CELF4: variants seen among roughly 807,000 people sequenced by gnomAD.
CELF4 encodes CUGBP Elav-like family member 4, also known as CUG-BP- and ETR-3-like factor 4.
CELF4 carries 18 observed loss-of-function variants against 59.9 expected under a neutral mutation model. That is an observed-to-expected ratio of 0.30 (90% CI 0.21 to 0.45). The LOEUF (loss-of-function observed/expected upper bound fraction) is 0.45. CELF4 is among the 20% of genes least tolerant of loss of function. The pLI, the probability that CELF4 is intolerant of heterozygous loss-of-function variation, is 1.00. For synonymous variants in CELF4, 261 were observed against 267.1 expected (o/e 0.98, Z 0.22); for missense variants, 456 against 689.0 (o/e 0.66, Z 3.79).
chr18:37,279,045 C>T (rs1418588923), intron 3 of CELF4, among the ~76,000 whole-genome samples: 2 of 151,878 alleles, frequency 1.3e-5, no homozygotes, highest in Non-Finnish European at 1.5e-5. Flanking sequence ...CCTCCTCCAT[C>T]CACACAGCCC....
intron 1 of CELF4, among the ~76,000 whole-genome samples, chr18:37,531,639 G>T (rs2154605078): frequency 6.6e-6 from 1 of 152,320 alleles, no homozygotes; most frequent in South Asian, 2.1e-4. Flanking sequence ...TTGAGAGTGG[G>T]GTGGGGTGGG....
chr18:37,515,740 C>A (rs1448653608), intron 1 of CELF4, among the ~76,000 whole-genome samples: 1 of 152,020 alleles, frequency 6.6e-6, no homozygotes, highest in Non-Finnish European at 1.5e-5. Flanking sequence ...GGGGTGTGGG[C>A]ATGGTGTCCT....
At chr18:37,411,365 G>A (rs1334206265) in intron 2 of CELF4, among the ~76,000 whole-genome samples, 4 of 152,194 alleles carry the variant, frequency 2.6e-5, no homozygotes, top group African/African-American at 9.6e-5. Flanking sequence ...TGTTTATGTG[G>A]GCATGTGGCT....
chr18:37,265,104 AGT>A (rs931419755), intron 9 of CELF4, among the ~76,000 whole-genome samples: 2 of 146,350 alleles, frequency 1.4e-5, no homozygotes, highest in Non-Finnish European at 3.0e-5. Context: ...CATACATGCA[AGT>A]GTGTGGGTGT....
At chr18:37,257,442 C>T (rs1268740803) in intron 11 of CELF4, among the ~76,000 whole-genome samples, 5 of 152,126 alleles carry the variant, frequency 3.3e-5, no homozygotes, top group Non-Finnish European at 7.3e-5. Context: ...CTTTGTTTTT[C>T]CACACCCAGA....
At chr18:37,423,107 GAC>G (rs2099590385) in intron 2 of CELF4, among the ~76,000 whole-genome samples, 3 of 151,474 alleles carry the variant, frequency 2.0e-5, no homozygotes, top group African/African-American at 7.3e-5. Context: ...GAGAGAGACA[GAC>G]AGACAGACAG....
At chr18:37,262,162 G>A (rs953839329) in intron 10 of CELF4, among the ~76,000 whole-genome samples, 1 of 152,174 alleles carries the variant, frequency 6.6e-6, no homozygotes, top group African/African-American at 2.4e-5. Flanking sequence ...CAGACCCACA[G>A]AAGCCTTCCT....
At chr18:37,474,782 C>A (rs1436560287) in intron 2 of CELF4, among the ~76,000 whole-genome samples, 3 of 152,254 alleles carry the variant, frequency 2.0e-5, no homozygotes, top group African/African-American at 7.2e-5. Flanking sequence ...AAGGCTCAAT[C>A]TGCAGTAGAT....
At chr18:37,266,930 CTGG>C (rs909342126) in intron 8 of CELF4, among the ~76,000 whole-genome samples, 4 of 141,546 alleles carry the variant, frequency 2.8e-5, no homozygotes, top group African/African-American at 5.5e-5. Flanking sequence ...CACTGAGATG[CTGG>C]TGGTGGGGGG....
intron 8 of CELF4, among the ~76,000 whole-genome samples, chr18:37,269,175 C>T (rs1409183567): frequency 6.6e-5 from 10 of 152,078 alleles, no homozygotes; most frequent in Non-Finnish European, 1.0e-4. Context: ...ACAGCCCCAC[C>T]CTGCCACCCT....
intron 1 of CELF4, among the ~76,000 whole-genome samples, chr18:37,547,239 C>A (rs1451355768): frequency 3.3e-5 from 5 of 151,368 alleles, no homozygotes. Flanking sequence ...CAAATGTGTT[C>A]CCATGAGCCA....
At chr18:37,429,960 T>G (rs541227217) in intron 2 of CELF4, among the ~76,000 whole-genome samples, 2 of 152,298 alleles carry the variant, frequency 1.3e-5, no homozygotes, top group South Asian at 4.1e-4. Flanking sequence ...ATCTGTCTCC[T>G]GACTCTGAAG....
intron 2 of CELF4, among the ~76,000 whole-genome samples, chr18:37,342,848 C>G (rs1397731300): frequency 6.6e-6 from 1 of 152,204 alleles, no homozygotes; most frequent in Admixed American, 6.5e-5. Flanking sequence ...CAAGGAAGCC[C>G]CCTGGGTTGC....
At chr18:37,395,914 T>C (rs1335566776) in intron 2 of CELF4, among the ~76,000 whole-genome samples, 1 of 152,216 alleles carries the variant, frequency 6.6e-6, no homozygotes, top group Non-Finnish European at 1.5e-5. Context: ...CTGATCCATC[T>C]AACTCCCGTG....
chr18:37,332,227 T>C (rs1053513758), intron 2 of CELF4, among the ~76,000 whole-genome samples: 1 of 152,142 alleles, frequency 6.6e-6, no homozygotes, highest in Non-Finnish European at 1.5e-5. Flanking sequence ...GGTTGTAGAA[T>C]GACCCCTCAC....
intron 2 of CELF4, among the ~76,000 whole-genome samples, chr18:37,472,625 G>C (rs762719855): frequency 1.3e-5 from 2 of 152,222 alleles, no homozygotes; most frequent in Non-Finnish European, 2.9e-5. Flanking sequence ...AGAAAACTGA[G>C]GCACAGAGAA....
intron 1 of CELF4, among the ~76,000 whole-genome samples, chr18:37,489,504 A>T (rs565785626): frequency 6.6e-6 from 1 of 152,128 alleles, no homozygotes; most frequent in African/African-American, 2.4e-5. Context: ...GGACACATAG[A>T]ACCCCCAGCT....
At chr18:37,394,969 C>T (rs1603635212) in intron 2 of CELF4, among the ~76,000 whole-genome samples, 1 of 139,712 alleles carries the variant, frequency 7.2e-6, no homozygotes, top group African/African-American at 2.6e-5. Flanking sequence ...ACCCGGCCTC[C>T]ACTCACTGTC....
intron 1 of CELF4, among the ~76,000 whole-genome samples, chr18:37,543,601 C>T (rs1269836503): frequency 6.6e-6 from 1 of 152,212 alleles, no homozygotes; most frequent in African/African-American, 2.4e-5. Flanking sequence ...GCCTAGGTTG[C>T]ATGAGGCACC....
Sources: gnomAD v4.1 joint callset for allele counts (sites outside exome capture counted in the v4.1 genomes callset) on GRCh38, gnomAD v4.1.1 for gene constraint, MANE v1.5 for transcripts, NCBI Gene and HGNC (gene_info 2026-07-23, HGNC 2026-07-21) for gene names.